The following NEMF variants were observed in gnomAD, a reference collection of about 807,000 sequenced individuals.
NEMF encodes the protein nuclear export mediator factor.
NEMF carries 89 observed loss-of-function variants against 162.2 expected under a neutral mutation model. The observed-to-expected ratio is 0.55, with a 90% CI of 0.46 to 0.65. The LOEUF is 0.65. Ranked by LOEUF, NEMF falls within the 30% of genes least tolerant of loss-of-function variation. NEMF has a pLI of 0.00. For synonymous variants in NEMF, 421 were observed against 404.5 expected, an observed-to-expected ratio of 1.04 and a Z score of -0.49; for missense variants, 1,133 against 1,261.9, an observed-to-expected ratio of 0.90 and a Z score of 1.55.
At chr14:49,846,045 A>G in intron 4 of NEMF, 95 bp downstream of exon 4, 1 of 1,066,494 alleles carries the variant, frequency 9.4e-7, no homozygotes, top group Non-Finnish European at 1.3e-6. Flanking sequence ...CCTTTGACAC[A>G]GAAAAAAAAT....
intron 3 of NEMF, among the ~76,000 whole-genome samples, chr14:49,850,189 A>G (rs1265634550): frequency 6.6e-6 from 1 of 151,932 alleles, no homozygotes; most frequent in Non-Finnish European, 1.5e-5. Flanking sequence ...TGCAATCTCT[A>G]TCTCCCAGGT....
chr14:49,843,249 C>T (rs1206049327), intron 4 of NEMF, among the ~76,000 whole-genome samples: 1 of 151,940 alleles, frequency 6.6e-6, no homozygotes, highest in Non-Finnish European at 1.5e-5. Flanking sequence ...AATCCCAACA[C>T]CTTAGGAGGT....
chr14:49,849,734 C>T (rs1463587901), intron 3 of NEMF: 2 of 152,148 alleles, frequency 1.3e-5, no homozygotes, highest in Non-Finnish European at 2.9e-5. Flanking sequence ...TCTTCACAGT[C>T]CACTGAGTTG....
chr14:49,814,399 C>T lies in NEMF; in HGVS notation c.1682-349G>A, dbSNP rs182122077. On this transcript the variant is annotated intron_variant, in intron 17 of 32. Coordinates refer to ENST00000298310, the MANE Select transcript of NEMF (RefSeq NM_004713.6). Reference sequence around the variant, plus strand: ...GATTACAGGCGTGAGCCACCACGCCCGGCCAAGTCCTACTTCTAGGTGTGA... The same window carrying T: ...GATTACAGGCGTGAGCCACCACGCCTGGCCAAGTCCTACTTCTAGGTGTGA... 2.1e-4 allele frequency among the ~76,000 whole-genome samples: 32 copies of T among 152,250 alleles called. No individual in the cohort carries two copies. In the East Asian group the frequency reaches 4.6e-3, roughly 22 times the overall value.
In NEMF at chr14:49,851,612, G is replaced by A; in HGVS notation, c.182C>T (p.Thr61Ile). The change falls in exon 3 of 33, where the codon ACA becomes ATA. Residue 61 changes from threonine (T) to isoleucine (I), a missense_variant. This residue lies in a region of NEMF where 582 missense variants were observed against 631.5 expected (regional missense o/e 0.92). Coordinates refer to ENST00000298310, the MANE Select transcript of NEMF (RefSeq NM_004713.6). ...LLESGIRIHTTEFEWPKNMMP... is the reference protein window; with the variant it reads ...LLESGIRIHTIEFEWPKNMMP... ...CATATTCTTAGGCCACTCAAATTCT[G>A]TTGTATGAATTCGTATGCCAGATTC... 6.2e-7 allele frequency: 1 copy of A among 1,613,936 alleles called. No homozygotes were observed. Among genetic ancestry groups the A allele is most frequent in the Non-Finnish European group, 8.5e-7 (1 of 1,179,924 alleles).
chr14:49,786,900 A>G, intron 28 of NEMF, 150 bp from the exon 29 acceptor site: 1 of 639,582 alleles, frequency 1.6e-6, no homozygotes, highest in South Asian at 2.0e-5. Flanking sequence ...TATTCTTCCT[A>G]AGACTCTGAA....
intron 26 of NEMF, among the ~76,000 whole-genome samples, chr14:49,791,809 CA>C (rs541150118): frequency 5.8e-4 from 85 of 146,482 alleles, no homozygotes; most frequent in Admixed American, 8.2e-4. Context: ...CACTGTACCT[CA>C]AAAAAAAATT....
chr14:49,827,218 G>A (rs1165672323), intron 15 of NEMF, among the ~76,000 whole-genome samples: 4 of 152,140 alleles, frequency 2.6e-5, no homozygotes, highest in African/African-American at 9.6e-5. Flanking sequence ...ACGGAGTCTC[G>A]CTCTGTCTCC....
rs1892508779 is a variant in NEMF, at chr14:49,829,043, G to A, written c.1232+11C>T. ...ACAAGCATTAACTGCTTGACTAAGA[G>A]TCAAACTTACCTTAGCAGCATTGTA... On this transcript the variant is annotated intron_variant, in intron 13 of 32. Transcript: ENST00000298310. 1 of 1,609,764 alleles carries A rather than the reference G, an allele frequency of 6.2e-7. No homozygotes were observed. The highest frequency in any genetic ancestry group is 1.3e-5 in the African/African-American group (1 of 74,802).
chr14:49,812,820 T>G (rs1452432282), intron 18 of NEMF, among the ~76,000 whole-genome samples: 1 of 151,624 alleles, frequency 6.6e-6, no homozygotes, highest in Non-Finnish European at 1.5e-5. Flanking sequence ...TGAGATGGAG[T>G]CTCGCCCTGT....
intron 18 of NEMF, among the ~76,000 whole-genome samples, chr14:49,811,898 T>C (rs1346739866): frequency 1.3e-5 from 2 of 152,190 alleles, no homozygotes; most frequent in Non-Finnish European, 2.9e-5. Flanking sequence ...TGTAGTTTTC[T>C]TGTGTTATCT....
At chr14:49,825,829 A>C in intron 16 of NEMF, 38 bp downstream of exon 16, 1 of 1,373,640 alleles carries the variant, frequency 7.3e-7, no homozygotes, top group Non-Finnish European at 1.0e-6. Flanking sequence ...AATTTTAATA[A>C]AAACAAAAAC....
intron 1 of NEMF, 70 bp downstream of exon 1, chr14:49,852,621 CTGTT>C: frequency 1.3e-6 from 2 of 1,499,390 alleles, no homozygotes; most frequent in Non-Finnish European, 9.3e-7. Context: ...TCAAGCTGGT[CTGTT>C]TGCGCCATGG....
At position 49,783,283 on chromosome 14, in the gene NEMF, T is replaced by G. The variant is rs1234398454; in HGVS notation, c.*1353A>C. 8.4e-6 allele frequency: 1 copy of G among 118,436 alleles called. No homozygotes were observed. The highest frequency in any genetic ancestry group is 4.1e-5 in the African/African-American group (1 of 24,106). The allele number at this position is 118,436 out of a possible 1,614,324, so 7.3% of individuals were successfully genotyped here. On this transcript the variant is annotated 3_prime_UTR_variant, in exon 33 of 33. Transcript: ENST00000298310. ...TCATCAAAATGCTGAAGTCATTTTTTGAAAACATTATAGATTTTTTTTTTT... is the reference window on the plus strand; with the variant it reads ...TCATCAAAATGCTGAAGTCATTTTTGGAAAACATTATAGATTTTTTTTTTT...
chr14:49,794,508 T>C (rs1459969630), intron 26 of NEMF, among the ~76,000 whole-genome samples: 1 of 151,288 alleles, frequency 6.6e-6, no homozygotes, highest in Non-Finnish European at 1.5e-5. Context: ...CTTAGGAGGC[T>C]GAGGTAGGAG....
chr14:49,851,991 A>G, intron 1 of NEMF, 116 bp from the exon 2 acceptor site: 1 of 631,812 alleles, frequency 1.6e-6, no homozygotes, highest in Non-Finnish European at 2.7e-6. Context: ...ATATGGAGTC[A>G]GCCGAGGAGC....
chr14:49,784,810 A>C lies in NEMF; in HGVS notation c.3154-97T>G, dbSNP rs1890083414. On this transcript the variant is annotated intron_variant, in intron 32 of 32. Transcript: ENST00000298310. ...AAAAACATTTCCAAACTTTTAGCTG[A>C]GATGGTTTTACTGCTTCTAATAAGA... 6 of 1,409,108 alleles carry C rather than the reference A, an allele frequency of 4.3e-6. No individual in the cohort carries two copies. In the South Asian group the frequency reaches 7.3e-5, roughly 17 times the overall value. 87.3% of individuals were successfully genotyped at this position (1,409,108 alleles called of 1,614,324 possible).
At chr14:49,809,251 T>C (rs1891357434) in intron 18 of NEMF, among the ~76,000 whole-genome samples, 1 of 152,226 alleles carries the variant, frequency 6.6e-6, no homozygotes, top group Admixed American at 6.5e-5. Flanking sequence ...TTTATTCATA[T>C]TGCCAAAACA....
intron 16 of NEMF, among the ~76,000 whole-genome samples, chr14:49,817,731 CA>C (rs569906858): frequency 5.9e-4 from 90 of 152,240 alleles, no homozygotes; most frequent in African/African-American, 2.0e-3. Flanking sequence ...AAACTTTAGA[CA>C]AAGTCTTTAA....
Sources: gnomAD v4.1 joint callset for allele counts (sites outside exome capture counted in the v4.1 genomes callset) on GRCh38, gnomAD v4.1.1 for gene constraint, gnomAD v4.1.1 regional missense constraint, MANE v1.5 for transcripts, NCBI Gene and HGNC (gene_info 2026-07-23, HGNC 2026-07-21) for gene names.